PLXNA2: variants seen among roughly 807,000 people sequenced by gnomAD.
The protein encoded by PLXNA2 is plexin-A2.
In PLXNA2, 91 loss-of-function variants were observed where a neutral mutation model predicts 193.5. The ratio of observed to expected loss-of-function variants is 0.47; its 90% confidence interval spans 0.40 to 0.56. The LOEUF is 0.56. PLXNA2 is among the 20% of genes least tolerant of loss of function. The probability of loss-of-function intolerance (pLI) is 0.00; values close to 1 mark genes in which losing one functional copy is unlikely to be tolerated. For synonymous variants in PLXNA2, 997 were observed against 1,027.3 expected, an observed-to-expected ratio of 0.97 and a Z score of 0.56; for missense variants, 1,995 against 2,503.2, an observed-to-expected ratio of 0.80 and a Z score of 4.33.
intron 4 of PLXNA2, among the ~76,000 whole-genome samples, chr1:208,120,938 G>A (rs1036691307): frequency 9.2e-5 from 14 of 152,166 alleles, no homozygotes; most frequent in Non-Finnish European, 1.6e-4. Context: ...GCATGAAAAC[G>A]CCATAAACCA....
intron 5 of PLXNA2, among the ~76,000 whole-genome samples, chr1:208,101,315 A>T (rs1383402817): frequency 6.6e-6 from 1 of 152,144 alleles, no homozygotes; most frequent in Non-Finnish European, 1.5e-5. Flanking sequence ...GGGACCCGGG[A>T]GCTGCAGCTT....
intron 9 of PLXNA2, among the ~76,000 whole-genome samples, chr1:208,089,282 G>A (rs530888802): frequency 1.3e-5 from 2 of 152,268 alleles, no homozygotes; most frequent in African/African-American, 2.4e-5. Context: ...GAATCCTCAT[G>A]ACCAATAGCA....
chr1:208,181,193 C>T (rs1045967335), intron 3 of PLXNA2, among the ~76,000 whole-genome samples: 7 of 152,172 alleles, frequency 4.6e-5, no homozygotes, highest in African/African-American at 1.7e-4. Context: ...GAGGACAATC[C>T]CATCTACCAC....
chr1:208,167,620 T>A (rs1348622373), intron 3 of PLXNA2, among the ~76,000 whole-genome samples: 1 of 152,046 alleles, frequency 6.6e-6, no homozygotes, highest in East Asian at 1.9e-4. Context: ...CAATATCCTG[T>A]CCCCAGAAGG....
chr1:208,201,556 A>T (rs192855271), intron 3 of PLXNA2, among the ~76,000 whole-genome samples: 1 of 152,312 alleles, frequency 6.6e-6, no homozygotes, highest in Non-Finnish European at 1.5e-5. Flanking sequence ...ATGTCACTGA[A>T]AAGGAGCCTG....
rs572124574 is a variant in PLXNA2 at position 208,140,522 on chromosome 1, G to A, written c.1506+1807C>T. 5.3e-5 allele frequency among the ~76,000 whole-genome samples: 8 copies of A among 152,164 alleles called. No homozygotes were observed. In the South Asian group the frequency reaches 1.5e-3, roughly 28 times the overall value. On this transcript the variant is annotated intron_variant, in intron 4 of 31. Coordinates refer to ENST00000367033, the MANE Select transcript of PLXNA2 (RefSeq NM_025179.4). ...CTCTTGAAAACATTGCATAAAATGTGAGTCTATTTAACCTCTGCTCATCGT... is the reference window on the plus strand; with the variant it reads ...CTCTTGAAAACATTGCATAAAATGTAAGTCTATTTAACCTCTGCTCATCGT...
chr1:208,096,774 A>G lies in PLXNA2; in HGVS notation c.1841T>C (p.Ile614Thr). ...AGGGACATCCTTGGGCCCAGGTGAGATGCAGATGACCTGGCTCCCGGACAC... is the reference window on the plus strand; with the variant it reads ...AGGGACATCCTTGGGCCCAGGTGAGGTGCAGATGACCTGGCTCCCGGACAC... ...GQVSGSQVIC[I>T]SPGPKDVPVI... Residue 614 changes from isoleucine to threonine, a missense_variant, in exon 7 of 32, where the codon ATC becomes ACC. This residue lies in a region of PLXNA2 where 702 missense variants were observed against 812.9 expected (regional missense o/e 0.86). Coordinates refer to ENST00000367033, the MANE Select transcript of PLXNA2 (RefSeq NM_025179.4). 6.2e-7 allele frequency: 1 copy of G among 1,614,092 alleles called. No individual in the cohort carries two copies. Among genetic ancestry groups the G allele is most frequent in the Admixed American group, 1.7e-5 (1 of 60,020 alleles).
chr1:208,033,311 G>C lies in PLXNA2; in HGVS notation c.5055+8C>G. On this transcript the variant is annotated splice_region_variant and intron_variant, in intron 28 of 31. Coordinates refer to ENST00000367033, the MANE Select transcript of PLXNA2 (RefSeq NM_025179.4). ...AGCACTCCCTGGTCTGGGCAGAGGG[G>C]GAGTTACCTTGGTGGCCAGTAGCCG... 1 of 1,609,846 alleles carries C rather than the reference G, an allele frequency of 6.2e-7. No individual in the cohort carries two copies. The highest frequency in any genetic ancestry group is 8.5e-7 in the Non-Finnish European group (1 of 1,177,240).
intron 9 of PLXNA2, among the ~76,000 whole-genome samples, chr1:208,087,912 C>T (rs993704381): frequency 2.6e-5 from 4 of 151,724 alleles, no homozygotes; most frequent in Admixed American, 2.0e-4. Context: ...TGTGGGTATA[C>T]ACACACACAC....
chr1:208,201,803 T>C (rs1670560251), intron 3 of PLXNA2, among the ~76,000 whole-genome samples: 1 of 152,168 alleles, frequency 6.6e-6, no homozygotes, highest in Admixed American at 6.5e-5. Flanking sequence ...AATATTTAAA[T>C]GCACATATGC....
chr1:208,105,583 G>T (rs954922405), intron 4 of PLXNA2, among the ~76,000 whole-genome samples: 1 of 152,096 alleles, frequency 6.6e-6, no homozygotes, highest in Non-Finnish European at 1.5e-5. Flanking sequence ...AATTCACACC[G>T]CCTTAAAGAA....
chr1:208,142,475 A>G lies in PLXNA2; in HGVS notation c.1372-12T>C, dbSNP rs1668486275. On this transcript the variant is annotated splice_polypyrimidine_tract_variant and intron_variant, in intron 3 of 31. Coordinates refer to ENST00000367033, the MANE Select transcript of PLXNA2 (RefSeq NM_025179.4). ...CCGTCGGCCCGAATCTGTATGAGAA[A>G]CAAGGGTGTCCTCAGCATCTGCCCT... 6.3e-7 allele frequency: 1 copy of G among 1,596,018 alleles called. No individual in the cohort carries two copies. The highest frequency in any genetic ancestry group is 1.1e-5 in the South Asian group (1 of 88,016).
rs972514731 is a variant in PLXNA2, at chr1:208,024,418, G to C, written c.*2825C>G. ...GGAACAGGTGGGCAGCTGGAAAGGG[G>C]GCAGGGCCTTATAACCTTTCACCCT... On this transcript the variant is annotated 3_prime_UTR_variant, in exon 32 of 32. Transcript: ENST00000367033. 1 of 152,444 alleles carries C rather than the reference G, an allele frequency of 6.6e-6. No homozygotes were observed. The highest frequency in any genetic ancestry group is 6.5e-5 in the Admixed American group (1 of 15,280). 9.4% of individuals were successfully genotyped at this position (152,444 alleles called of 1,614,324 possible).
chr1:208,039,534 C>G (rs1446919987), intron 24 of PLXNA2, 87 bp downstream of exon 24: 3 of 1,560,280 alleles, frequency 1.9e-6, no homozygotes, highest in Admixed American at 1.7e-5. Context: ...TTTATTGACC[C>G]CCTAGACTGC....
In PLXNA2 at chr1:208,208,214, C is replaced by T. The variant is rs768590029; in HGVS notation, c.1371+2066G>A. ...CAGCAAACACTGATTCCTTAATTCACATCTAGATCTGAAGAGAGTGAAAGC... is the reference window on the plus strand; with the variant it reads ...CAGCAAACACTGATTCCTTAATTCATATCTAGATCTGAAGAGAGTGAAAGC... On this transcript the variant is annotated intron_variant, in intron 3 of 31. Coordinates refer to ENST00000367033, the MANE Select transcript of PLXNA2 (RefSeq NM_025179.4). Among the ~76,000 whole-genome samples, 22 of 152,250 alleles carry T rather than the reference C, an allele frequency of 1.4e-4. 1 individual carries two copies. The highest frequency in any genetic ancestry group is 6.2e-4 in the South Asian group (3 of 4,834).
chr1:208,190,266 G>T (rs1425354644), intron 3 of PLXNA2, among the ~76,000 whole-genome samples: 5 of 152,270 alleles, frequency 3.3e-5, no homozygotes, highest in African/African-American at 1.2e-4. Flanking sequence ...TGTGCAGAGA[G>T]CTAGCATGCT....
At chr1:208,096,185 G>T in intron 7 of PLXNA2, 60 bp from the exon 8 acceptor site, 1 of 1,268,710 alleles carries the variant, frequency 7.9e-7, no homozygotes, top group Non-Finnish European at 1.2e-6. Flanking sequence ...CCAGTGGACA[G>T]CCACAAAAAT....
chr1:208,096,541 G>A (rs1012827540), intron 7 of PLXNA2, among the ~76,000 whole-genome samples, 189 bp downstream of exon 7: 4 of 152,236 alleles, frequency 2.6e-5, no homozygotes, highest in African/African-American at 9.6e-5. Context: ...TTAACTCAAA[G>A]TGGAGCAAGT....
Position 208,038,940 on chromosome 1 carries a change from G to C in PLXNA2, c.4545C>G (p.Ile1515Met). Residue 1515 changes from isoleucine to methionine, a missense_variant, in exon 25 of 32, where the codon ATC (isoleucine) becomes ATG (methionine). Coordinates refer to ENST00000367033, the MANE Select transcript of PLXNA2 (RefSeq NM_025179.4). This position sits in a 1 kb window ranked among gnomAD's most constrained non-coding sequence, Gnocchi z 4.1. The part of the protein sequence containing the change: ...VNPDNENSPE[I>M]PVKVLNCDTI... ...TGTCACAGTTTAACACCTTCACTGG[G>C]ATCTCTGGACTGTTCTCGTTGTCAG... The C allele has an allele frequency of 6.2e-7, 1 of 1,614,086 alleles. No homozygotes were observed. Among genetic ancestry groups the C allele is most frequent in the Non-Finnish European group, 8.5e-7 (1 of 1,180,006 alleles).
Sources: allele counts gnomAD v4.1 joint callset (sites outside exome capture counted in the v4.1 genomes callset), GRCh38; gene constraint gnomAD v4.1.1; regional missense constraint gnomAD v4.1.1; non-coding constraint Gnocchi (gnomAD v3.1); transcripts MANE v1.5; gene names NCBI Gene and HGNC (gene_info 2026-07-23, HGNC 2026-07-21).